RASAL2: variants seen among roughly 807,000 people sequenced by gnomAD.
RASAL2 encodes the protein ras GTPase-activating protein nGAP.
A neutral mutation model predicts 128.9 loss-of-function variants in RASAL2; 58 were observed. That is an observed-to-expected ratio of 0.45 (90% CI 0.36 to 0.56). The LOEUF is 0.56. Among genes scored for constraint, RASAL2 ranks in the 20% least tolerant of loss-of-function variants. The pLI is 0.00. For synonymous variants in RASAL2, 561 were observed against 580.8 expected, an observed-to-expected ratio of 0.97 and a Z score of 0.49; for missense variants, 1,360 against 1,601.6, an observed-to-expected ratio of 0.85 and a Z score of 2.57.
At chr1:178,457,363 T>C (rs1468013736) in intron 13 of RASAL2, among the ~76,000 whole-genome samples, 1 of 152,222 alleles carries the variant, frequency 6.6e-6, no homozygotes, top group African/African-American at 2.4e-5. Context: ...CTCTTGAAGG[T>C]TTAGACAAGT....
chr1:178,401,882 G>C (rs539746593), intron 4 of RASAL2, among the ~76,000 whole-genome samples: 1 of 152,214 alleles, frequency 6.6e-6, no homozygotes, highest in Non-Finnish European at 1.5e-5. Flanking sequence ...GCGTCACCCT[G>C]TCTTTTTAAC....
At chr1:178,208,510 C>T (rs936174832) in intron 1 of RASAL2, among the ~76,000 whole-genome samples, 3 of 152,100 alleles carry the variant, frequency 2.0e-5, no homozygotes, top group African/African-American at 7.2e-5. Context: ...GTGATCAGAC[C>T]AGTTCTCTGC....
chr1:178,443,324 G>C, intron 8 of RASAL2, 95 bp downstream of exon 8: 2 of 1,146,358 alleles, frequency 1.7e-6, no homozygotes, highest in Non-Finnish European at 2.4e-6. Context: ...TTAGAGAAAT[G>C]TGCTTTACTA....
chr1:178,433,292 A>G (rs1676043661), intron 5 of RASAL2, among the ~76,000 whole-genome samples: 1 of 152,070 alleles, frequency 6.6e-6, no homozygotes, highest in South Asian at 2.1e-4. Flanking sequence ...TGTTTTCTCC[A>G]AGAAGTCTTC....
chr1:178,144,048 G>A (rs1488193037), intron 1 of RASAL2, among the ~76,000 whole-genome samples: 1 of 152,074 alleles, frequency 6.6e-6, no homozygotes, highest in Non-Finnish European at 1.5e-5. Context: ...CTCAAGAGTT[G>A]TGTGTGTATT....
Position 178,473,431 on chromosome 1 carries a change from CCCA to C in RASAL2, c.*194_*196del. 1 of 645,376 alleles carries C rather than the reference CCCA, an allele frequency of 1.5e-6. No homozygotes were observed. The highest frequency in any genetic ancestry group is 2.6e-6 in the Non-Finnish European group (1 of 379,362). The allele number at this position is 645,376 out of a possible 1,614,324, so 40.0% of individuals were successfully genotyped here. The stretch of plus-strand genomic sequence containing the variant: ...CGACTTCCAAGGTCAATGCTTTTCC[CCCA>C]CATCTCTATGTACATAGGGAACTTA... On this transcript the variant is annotated 3_prime_UTR_variant, in exon 18 of 18. Coordinates refer to ENST00000367649, the MANE Select transcript of RASAL2 (RefSeq NM_170692.4).
chr1:178,154,201 C>T (rs554784796), intron 1 of RASAL2, among the ~76,000 whole-genome samples: 3 of 151,240 alleles, frequency 2.0e-5, no homozygotes, highest in Admixed American at 2.0e-4. Flanking sequence ...GGCTGTAGTA[C>T]AGTGGCACCA....
At chr1:178,398,926 T>C (rs977592853) in intron 4 of RASAL2, among the ~76,000 whole-genome samples, 4 of 151,864 alleles carry the variant, frequency 2.6e-5, no homozygotes, top group Non-Finnish European at 5.9e-5. Context: ...CAGGGTCAGC[T>C]TCATGAGCAT....
intron 1 of RASAL2, among the ~76,000 whole-genome samples, chr1:178,241,815 C>T (rs935970756): frequency 3.3e-5 from 5 of 152,158 alleles, no homozygotes; most frequent in African/African-American, 7.2e-5. Flanking sequence ...TCCACAAATA[C>T]GTACATATAT....
chr1:178,274,456 T>G (rs1003819088), intron 1 of RASAL2, among the ~76,000 whole-genome samples: 6 of 152,186 alleles, frequency 3.9e-5, no homozygotes, highest in Non-Finnish European at 7.3e-5. Flanking sequence ...TGTTTGAGAT[T>G]AAGTCTTAGT....
At chr1:178,359,767 T>G (rs1407267065) in intron 3 of RASAL2, among the ~76,000 whole-genome samples, 1 of 152,206 alleles carries the variant, frequency 6.6e-6, no homozygotes, top group Non-Finnish European at 1.5e-5. Flanking sequence ...ACTGTAGATC[T>G]TTGATAAACC....
At chr1:178,200,442 A>G (rs11581766) in intron 1 of RASAL2, among the ~76,000 whole-genome samples, 1 of 152,222 alleles carries the variant, frequency 6.6e-6, no homozygotes, top group Non-Finnish European at 1.5e-5. Flanking sequence ...TATATGGAGA[A>G]CCAAAAAACA....
intron 3 of RASAL2, among the ~76,000 whole-genome samples, chr1:178,384,846 A>G (rs1672470409): frequency 1.3e-5 from 2 of 152,146 alleles, no homozygotes; most frequent in South Asian, 4.1e-4. Flanking sequence ...ACGCTATGGT[A>G]ACTAATTCTA....
chr1:178,175,471 T>TGTGTGTGTGTGTGTGTGA (rs777301625), intron 1 of RASAL2, among the ~76,000 whole-genome samples: 1 of 151,674 alleles, frequency 6.6e-6, no homozygotes, highest in African/African-American at 2.4e-5. Context: ...TGTGTGTGTG[T>TGTGTGTGTGTGTGTGTGA]GATAACTATG....
Position 178,413,223 on chromosome 1 carries a change from G to A in RASAL2, c.565-7288G>A, listed in dbSNP as rs1674529612. ...GATCCGCCTGCCTCAGCCTCCCAAAGTGCTGGGATTACAGGCATGAGCCAC... is the reference window on the plus strand; with the variant it reads ...GATCCGCCTGCCTCAGCCTCCCAAAATGCTGGGATTACAGGCATGAGCCAC... On this transcript the variant is annotated intron_variant, in intron 4 of 17. Coordinates refer to ENST00000367649, the MANE Select transcript of RASAL2 (RefSeq NM_170692.4). Among the ~76,000 whole-genome samples the A allele has an allele frequency of 2.0e-5, 3 of 152,280 alleles. No individual in the cohort carries two copies. The South Asian group carries it at 6.2e-4, about 32-fold the overall frequency.
chr1:178,466,484 G>A (rs1330220112), intron 16 of RASAL2, among the ~76,000 whole-genome samples: 1 of 152,108 alleles, frequency 6.6e-6, no homozygotes, highest in Admixed American at 6.5e-5. Context: ...ATATCTTTAG[G>A]GCCAGAGGAC....
intron 1 of RASAL2, among the ~76,000 whole-genome samples, chr1:178,204,023 G>A (rs1367092689): frequency 6.6e-6 from 1 of 152,246 alleles, no homozygotes; most frequent in Non-Finnish European, 1.5e-5. Context: ...ATTGGTAGTA[G>A]TAGAAGAAGG....
intron 6 of RASAL2, among the ~76,000 whole-genome samples, chr1:178,441,240 C>A (rs1034134493): frequency 6.6e-6 from 1 of 152,148 alleles, no homozygotes; most frequent in African/African-American, 2.4e-5. Flanking sequence ...TCCTTTTGGC[C>A]TTGTCTACTT....
intron 1 of RASAL2, among the ~76,000 whole-genome samples, chr1:178,197,227 G>A (rs1662688031): frequency 6.6e-6 from 1 of 152,144 alleles, no homozygotes; most frequent in Non-Finnish European, 1.5e-5. Context: ...GGGGGCCGAG[G>A]CAGGCAGATC....
Sources: gnomAD v4.1 joint callset for allele counts (sites outside exome capture counted in the v4.1 genomes callset) on GRCh38, gnomAD v4.1.1 for gene constraint, MANE v1.5 for transcripts, NCBI Gene and HGNC (gene_info 2026-07-23, HGNC 2026-07-21) for gene names.